The following MORC2 variants were observed in gnomAD, a reference collection of about 807,000 sequenced individuals.
MORC2 encodes the protein MORC family CW-type zinc finger 2.
MORC2 carries 30 observed loss-of-function variants against 136.0 expected under a neutral mutation model. The ratio of observed to expected loss-of-function variants is 0.22; its 90% CI spans 0.17 to 0.30. The LOEUF is 0.30. Ranked by LOEUF, MORC2 falls within the 10% of genes least tolerant of loss-of-function variation. The probability of loss-of-function intolerance (pLI) is 1.00; values close to 1 mark genes in which losing one functional copy is unlikely to be tolerated. For synonymous variants in MORC2, 439 were observed against 487.0 expected (o/e 0.90, Z 1.30); for missense variants, 922 against 1,333.1 (o/e 0.69, Z 4.80).
chr22:30,927,448 ACT>A (rs1299979489), intron 25 of MORC2, among the ~76,000 whole-genome samples: 1 of 151,794 alleles, frequency 6.6e-6, no homozygotes, highest in Non-Finnish European at 1.5e-5. Flanking sequence ...CTCGTGTCAC[ACT>A]CTTTGCATGA....
intron 3 of MORC2, among the ~76,000 whole-genome samples, chr22:30,954,480 A>G (rs917560337): frequency 5.3e-5 from 8 of 152,120 alleles, no homozygotes; most frequent in African/African-American, 1.7e-4. Flanking sequence ...TTCCCTCAAG[A>G]TCTAGTTATT....
chr22:30,967,708 C>A, intron 1 of MORC2, 114 bp downstream of exon 1: 5 of 1,510,552 alleles, frequency 3.3e-6, no homozygotes, highest in Non-Finnish European at 4.4e-6. Context: ...ACATTTCACT[C>A]CAGTGGGATA....
chr22:30,949,226 ATG>A (rs2040856875), intron 5 of MORC2, among the ~76,000 whole-genome samples: 1 of 152,232 alleles, frequency 6.6e-6, no homozygotes, highest in Non-Finnish European at 1.5e-5. Context: ...AAAAAGTCCC[ATG>A]GGATTTGAAG....
chr22:30,962,207 C>CAAAA (rs1161969549), intron 1 of MORC2, among the ~76,000 whole-genome samples: 1 of 109,152 alleles, frequency 9.2e-6, no homozygotes. Context: ...AACTCCACCT[C>CAAAA]AAAAAAAAAA....
At chr22:30,942,832 C>T (rs913450025) in intron 6 of MORC2, among the ~76,000 whole-genome samples, 3 of 152,082 alleles carry the variant, frequency 2.0e-5, no homozygotes, top group South Asian at 2.1e-4. Flanking sequence ...TGGTGAATCC[C>T]GGTCTCCACT....
At chr22:30,963,166 C>T (rs1443748882) in intron 1 of MORC2, 6 of 240,236 alleles carry the variant, frequency 2.5e-5, no homozygotes, top group Admixed American at 2.0e-4. Context: ...TTAGTACAGA[C>T]GGGGTTTCAC....
chr22:30,930,489 G>C (rs2040558577), intron 24 of MORC2, among the ~76,000 whole-genome samples: 1 of 152,228 alleles, frequency 6.6e-6, no homozygotes, highest in Non-Finnish European at 1.5e-5. Flanking sequence ...ATCGTGAGCA[G>C]AGCAAGTCCT....
In MORC2 at chr22:30,967,822, G is replaced by C; in HGVS notation, c.68C>G (p.Ser23Ter). Residue 23 changes from serine (S) to a stop codon, truncating the protein, a stop_gained and splice_region_variant, in exon 1 of 26, where the codon TCA becomes TGA. Coordinates refer to ENST00000397641, the MANE Select transcript of MORC2 (RefSeq NM_001303256.3). LOFTEE classifies it high-confidence loss of function. ...QLTFEYLHTN[S>*]TTHEFLFGAL... ...TCAGTGGCACCTAGAGGATACTTAC[G>C]AATTTGTGTGCAGATATTCAAAGGT... 6.4e-7 allele frequency: 1 copy of C among 1,551,056 alleles called. No homozygotes were observed. Among genetic ancestry groups the C allele is most frequent in the Non-Finnish European group, 8.7e-7 (1 of 1,147,028 alleles).
At chr22:30,938,251 A>T (rs754387344) in intron 12 of MORC2, 46 bp from the exon 13 acceptor site, 1 of 1,607,536 alleles carries the variant, frequency 6.2e-7, no homozygotes. Context: ...TCGGCACACA[A>T]GCACCATAGT....
intron 6 of MORC2, among the ~76,000 whole-genome samples, chr22:30,942,589 T>A (rs912567059): frequency 6.6e-6 from 1 of 152,318 alleles, no homozygotes; most frequent in Non-Finnish European, 1.5e-5. Flanking sequence ...CTAGGGAAAA[T>A]ATATTTGCAA....
intron 1 of MORC2, among the ~76,000 whole-genome samples, chr22:30,960,026 G>A (rs1462129050): frequency 6.6e-6 from 1 of 152,200 alleles, no homozygotes; most frequent in Non-Finnish European, 1.5e-5. Flanking sequence ...GGAGTGCGAT[G>A]GCACAATCTT....
intron 2 of MORC2, 71 bp from the exon 3 acceptor site, chr22:30,956,868 G>T: frequency 8.1e-7 from 1 of 1,229,308 alleles, no homozygotes; most frequent in South Asian, 1.3e-5. Flanking sequence ...ATAGTGATTT[G>T]AGTAGAATGC....
At position 30,936,543 on chromosome 22, in the gene MORC2, G is replaced by A. The variant is rs267606222; in HGVS notation, c.1705C>T (p.Arg569Cys). 9.3e-6 allele frequency: 15 copies of A among 1,614,138 alleles called. No individual in the cohort carries two copies. The highest frequency in any genetic ancestry group is 1.3e-5 in the Non-Finnish European group (15 of 1,180,034). Reference sequence around the variant, plus strand: ...GCCTCCAGCTTCTCCTGCTGCTGGCGAATTTTCTCTGTCAGTTGTTTCTGC... The same window carrying A: ...GCCTCCAGCTTCTCCTGCTGCTGGCAAATTTTCTCTGTCAGTTGTTTCTGC... Reference protein sequence around the residue: ...EKQKQLTEKIRQQQEKLEALQ... With the variant: ...EKQKQLTEKICQQQEKLEALQ... Residue 569 changes from arginine (R) to cysteine (C), a missense_variant, in exon 17 of 26, where the codon CGC becomes TGC. Arg to Cys is a radical substitution (Grantham distance 180). Around this residue, in one of 9 missense-constraint regions of MORC2, gnomAD observed 119 missense variants for 202.7 expected, o/e 0.59. Transcript: ENST00000397641.
chr22:30,935,603 C>T (rs953965502), intron 17 of MORC2, among the ~76,000 whole-genome samples: 2 of 151,934 alleles, frequency 1.3e-5, no homozygotes, highest in Non-Finnish European at 2.9e-5. Flanking sequence ...GTAGAAAGGG[C>T]CCGAAGGATA....
rs760828284 is a variant in MORC2 at position 30,937,557 on chromosome 22, C to CG, written c.1498+25dup. The CG allele has an allele frequency of 2.4e-5, 39 of 1,608,050 alleles. No homozygotes were observed. Among genetic ancestry groups the CG allele is most frequent in the African/African-American group, 1.2e-4 (9 of 74,726 alleles). On this transcript the variant is annotated intron_variant, in intron 15 of 25. Transcript: ENST00000397641. The surrounding 1 kb of genome is among the most constrained non-coding windows in gnomAD (Gnocchi z 4.7). The stretch of plus-strand genomic sequence containing the variant: ...GGCTTGTGGGCTGATGGAAATGAGT[C>CG]GGGGGGGTCCAACCACCCAACTCAC...
rs1294521694 is a variant in MORC2, at chr22:30,925,746, C to T, written c.*1057G>A. On this transcript the variant is annotated 3_prime_UTR_variant, in exon 26 of 26. Transcript: ENST00000397641. ...AGCAACGCTTGCCTTTGTCTTTGAC[C>T]CTGAGAAGTTAAGGGACACAGATTG... The T allele has an allele frequency of 1.3e-5, 2 of 153,562 alleles. No individual in the cohort carries two copies. The highest frequency in any genetic ancestry group is 3.8e-4 in the East Asian group (2 of 5,202). 9.5% of individuals were successfully genotyped at this position (153,562 alleles called of 1,614,324 possible).
chr22:30,946,028 C>T, intron 6 of MORC2, among the ~76,000 whole-genome samples: 1 of 152,182 alleles, frequency 6.6e-6, no homozygotes, highest in East Asian at 1.9e-4. Flanking sequence ...TAACACTCCC[C>T]CCAAAATGGA....
At chr22:30,939,229 T>A (rs2040704079) in intron 12 of MORC2, among the ~76,000 whole-genome samples, 1 of 152,106 alleles carries the variant, frequency 6.6e-6, no homozygotes, top group African/African-American at 2.4e-5. Flanking sequence ...AAAATATATA[T>A]GTAACATAAA....
At chr22:30,928,723 C>T (rs2040528500) in intron 24 of MORC2, among the ~76,000 whole-genome samples, 1 of 152,144 alleles carries the variant, frequency 6.6e-6, no homozygotes, top group Admixed American at 6.5e-5. Context: ...TCCCTGAGTA[C>T]CTGAAACCTC....
Sources: allele counts gnomAD v4.1 joint callset (sites outside exome capture counted in the v4.1 genomes callset), GRCh38; gene constraint gnomAD v4.1.1; regional missense constraint gnomAD v4.1.1; non-coding constraint Gnocchi (gnomAD v3.1); transcripts MANE v1.5; gene names NCBI Gene and HGNC (gene_info 2026-07-23, HGNC 2026-07-21).